Variants in GTPBP10 observed in about 807,000 individuals in gnomAD.
The protein encoded by GTPBP10 is GTP-binding protein 10.
Under a neutral mutation model 44.8 loss-of-function variants are expected in GTPBP10, and 38 were observed. The observed-to-expected ratio is 0.85, with a 90% CI of 0.65 to 1.11. The LOEUF is 1.11. Among genes scored for constraint, GTPBP10 ranks in the 50% most tolerant of loss-of-function variants. GTPBP10 has a pLI of 0.00. For synonymous variants in GTPBP10, 152 were observed against 150.6 expected, an observed-to-expected ratio of 1.01 and a Z score of -0.07; for missense variants, 462 against 453.7, an observed-to-expected ratio of 1.02 and a Z score of -0.17.
In GTPBP10 at chr7:90,387,339, A is replaced by AAAC. The variant is rs1796541476; in HGVS notation, c.*2187_*2188insCAA. The AAAC allele has an allele frequency of 6.8e-4, 1 of 1,462 alleles. No individual in the cohort carries two copies. The highest frequency in any genetic ancestry group is 1.9e-3 in the African/African-American group (1 of 532). The allele number at this position is 1,462 out of a possible 1,614,324, so 0.1% of individuals were successfully genotyped here. A position where few individuals can be genotyped will look rare whatever the true frequency, so the allele number is the denominator to read the frequency against. On this transcript the variant is annotated 3_prime_UTR_variant, in exon 10 of 10. Transcript: ENST00000222511. ...GGACAAGAGGGAGACTTCCTCTCAA[A>AAAC]AAACAAAATATTGTACTTCAAAAAA...
chr7:90,383,629 G>A (rs1796470636), intron 9 of GTPBP10: 1 of 152,160 alleles, frequency 6.6e-6, no homozygotes, highest in Non-Finnish European at 1.5e-5. Context: ...TATTTGTCTG[G>A]AATTTACTTC....
At chr7:90,370,560 G>T (rs1411450720) in intron 4 of GTPBP10, among the ~76,000 whole-genome samples, 1 of 152,020 alleles carries the variant, frequency 6.6e-6, no homozygotes, top group Non-Finnish European at 1.5e-5. Context: ...CAGGAGGATG[G>T]GGAGGGATGA....
In GTPBP10 at chr7:90,384,986, C is replaced by T. The variant is rs370884460; in HGVS notation, c.996C>T (p.Ile332=). Reference sequence around the variant, plus strand: ...TATCTGCAGTTACTGGAGAAGGAATCGAAGAATTAAAGAATTGTATAAGAA... The same window carrying T: ...TATCTGCAGTTACTGGAGAAGGAATTGAAGAATTAAAGAATTGTATAAGAA... ...IPISAVTGEG[I]EELKNCIRKS... is the part of the protein sequence containing the mutation. Residue 332 remains isoleucine, a synonymous_variant, in exon 10 of 10, where the codon ATC becomes ATT. Transcript: ENST00000222511. 1.5e-5 allele frequency: 24 copies of T among 1,613,420 alleles called. No homozygotes were observed. Among genetic ancestry groups the T allele is most frequent in the Non-Finnish European group, 1.8e-5 (21 of 1,179,694 alleles).
At chr7:90,347,008 A>G (rs1795689912) in intron 1 of GTPBP10, among the ~76,000 whole-genome samples, 1 of 152,174 alleles carries the variant, frequency 6.6e-6, no homozygotes, top group Admixed American at 6.5e-5. Flanking sequence ...GAAGTTCTTT[A>G]GAGACATAGT....
chr7:90,383,782 T>C (rs1796474009), intron 9 of GTPBP10: 1 of 152,044 alleles, frequency 6.6e-6, no homozygotes, highest in Non-Finnish European at 1.5e-5. Context: ...AAAAGTAGGG[T>C]GTATGGTATG....
chr7:90,366,168 G>T (rs1290658133), intron 4 of GTPBP10, among the ~76,000 whole-genome samples: 2 of 152,174 alleles, frequency 1.3e-5, no homozygotes, highest in African/African-American at 4.8e-5. Flanking sequence ...CGGTTTGCCA[G>T]TATTTTATTG....
chr7:90,368,266 T>G (rs771392169), intron 4 of GTPBP10, among the ~76,000 whole-genome samples: 3 of 152,218 alleles, frequency 2.0e-5, no homozygotes, highest in Non-Finnish European at 4.4e-5. Flanking sequence ...GTCTTGCGGT[T>G]GCTCTTCTCG....
At chr7:90,380,348 G>T (rs1017018145) in intron 8 of GTPBP10, among the ~76,000 whole-genome samples, 1 of 152,090 alleles carries the variant, frequency 6.6e-6, no homozygotes, top group Admixed American at 6.6e-5. Flanking sequence ...AGAGTGCTGG[G>T]ATTACAGACG....
At chr7:90,353,047 A>G in intron 2 of GTPBP10, 38 bp downstream of exon 2, 1 of 1,405,000 alleles carries the variant, frequency 7.1e-7, no homozygotes, top group Non-Finnish European at 9.6e-7. Flanking sequence ...TTAGAAAATC[A>G]AACCCTTCTG....
intron 4 of GTPBP10, among the ~76,000 whole-genome samples, chr7:90,359,755 C>G (rs1052974962): frequency 2.6e-5 from 4 of 152,190 alleles, no homozygotes; most frequent in Non-Finnish European, 5.9e-5. Flanking sequence ...TACAGTCCCA[C>G]CAACAATGTA....
In GTPBP10 at chr7:90,356,951, G is replaced by A. The variant is rs528508047; in HGVS notation, c.464+1721G>A. 2.6e-5 allele frequency among the ~76,000 whole-genome samples: 4 copies of A among 152,214 alleles called. 1 individual carries two copies. Among genetic ancestry groups the A allele is most frequent in the African/African-American group, 7.2e-5 (3 of 41,544 alleles). ...ATTCTTAAGCATATCAAACAAGAAT[G>A]GGGGAAAAAGATTTTTAAGTGGAAT... On this transcript the variant is annotated intron_variant, in intron 4 of 9. Coordinates refer to ENST00000222511, the MANE Select transcript of GTPBP10 (RefSeq NM_033107.4).
At chr7:90,352,214 A>G (rs1021961249) in intron 1 of GTPBP10, among the ~76,000 whole-genome samples, 1 of 152,130 alleles carries the variant, frequency 6.6e-6, no homozygotes, top group African/African-American at 2.4e-5. Flanking sequence ...AGTCTGAAAG[A>G]CTTCCATTTG....
At chr7:90,365,577 C>T (rs368522392) in intron 4 of GTPBP10, among the ~76,000 whole-genome samples, 21 of 151,606 alleles carry the variant, frequency 1.4e-4, no homozygotes, top group African/African-American at 4.8e-4. Context: ...GGGGTTTCAC[C>T]GTTTTAGCCG....
At position 90,390,980 on chromosome 7, in the gene GTPBP10, T is replaced by A. The variant is rs1194924402; in HGVS notation, c.*5826T>A. 1.3e-5 allele frequency: 2 copies of A among 152,154 alleles called. No individual in the cohort carries two copies. The highest frequency in any genetic ancestry group is 2.9e-5 in the Non-Finnish European group (2 of 68,010). The allele number at this position is 152,154 out of a possible 1,614,324, so 9.4% of individuals were successfully genotyped here. A position where few individuals can be genotyped will look rare whatever the true frequency, so the allele number is the denominator to read the frequency against. On this transcript the variant is annotated 3_prime_UTR_variant, in exon 10 of 10. Coordinates refer to ENST00000222511, the MANE Select transcript of GTPBP10 (RefSeq NM_033107.4). ...GTAAAAGCTTATGACTTTGGATGGATTTGAAACATGATTAAATGACAGAGT... is the reference window on the plus strand; with the variant it reads ...GTAAAAGCTTATGACTTTGGATGGAATTGAAACATGATTAAATGACAGAGT...
chr7:90,359,097 G>A (rs1795961687), intron 4 of GTPBP10, among the ~76,000 whole-genome samples: 1 of 151,662 alleles, frequency 6.6e-6, no homozygotes, highest in South Asian at 2.1e-4. Flanking sequence ...AATACGTGCT[G>A]ACATAGATGT....
intron 4 of GTPBP10, among the ~76,000 whole-genome samples, chr7:90,361,834 C>G (rs567275829): frequency 2.0e-5 from 3 of 152,238 alleles, no homozygotes; most frequent in African/African-American, 4.8e-5. Context: ...TTCAGGAATG[C>G]AACTTCTTCC....
intron 4 of GTPBP10, among the ~76,000 whole-genome samples, chr7:90,359,013 C>T (rs911252794): frequency 1.2e-4 from 18 of 152,070 alleles, no homozygotes; most frequent in African/African-American, 4.3e-4. Context: ...CACTAATACT[C>T]AGGGAAATGC....
intron 8 of GTPBP10, 179 bp downstream of exon 8, chr7:90,378,390 T>C (rs1796380622): frequency 2.3e-6 from 1 of 432,614 alleles, no homozygotes; most frequent in African/African-American, 2.1e-5. Flanking sequence ...CTCAAACTAC[T>C]GCAGTGGATA....
chr7:90,361,344 A>C (rs1373441553), intron 4 of GTPBP10, among the ~76,000 whole-genome samples: 1 of 152,072 alleles, frequency 6.6e-6, no homozygotes, highest in Non-Finnish European at 1.5e-5. Flanking sequence ...TAGCATGAAG[A>C]GCTGTTGAAT....
Sources: allele counts gnomAD v4.1 joint callset (sites outside exome capture counted in the v4.1 genomes callset), GRCh38; gene constraint gnomAD v4.1.1; transcripts MANE v1.5; gene names NCBI Gene and HGNC (gene_info 2026-07-23, HGNC 2026-07-21).